The following RETREG3 variants were observed in gnomAD, a reference collection of about 807,000 sequenced individuals.
The protein encoded by RETREG3 is reticulophagy regulator 3.
RETREG3 carries 23 observed loss-of-function variants against 50.2 expected under a neutral mutation model. That is an observed-to-expected ratio of 0.46 (90% confidence interval 0.33 to 0.65). The LOEUF (loss-of-function observed/expected upper bound fraction) is 0.65. RETREG3 is among the 30% of genes least tolerant of loss of function. The pLI is 0.02. For missense variants in RETREG3, 546 were observed against 598.0 expected (o/e 0.91, Z 0.91); for synonymous variants, 240 against 234.4 (o/e 1.02, Z -0.22).
chr17:42,591,586 C>T (rs1016096458), intron 2 of RETREG3, among the ~76,000 whole-genome samples: 8 of 152,198 alleles, frequency 5.3e-5, no homozygotes, highest in South Asian at 2.1e-4. Context: ...GTGATCCACC[C>T]GCCTCGGACT....
At chr17:42,584,929 G>C (rs2093118117) in intron 6 of RETREG3, among the ~76,000 whole-genome samples, 196 bp downstream of exon 6, 1 of 151,868 alleles carries the variant, frequency 6.6e-6, no homozygotes, top group Non-Finnish European at 1.5e-5. Context: ...CGGGAGCCTA[G>C]GATTACAAAT....
intron 6 of RETREG3, 73 bp downstream of exon 6, chr17:42,585,052 T>G: frequency 3.9e-6 from 6 of 1,557,530 alleles, no homozygotes; most frequent in Admixed American, 1.7e-5. Flanking sequence ...ACCCACCCAG[T>G]ATGTCAGACC....
intron 1 of RETREG3, among the ~76,000 whole-genome samples, chr17:42,604,012 AT>A (rs10708104): frequency 0.58 from 87,020 of 150,828 alleles, 25,579 homozygotes; most frequent in African/African-American, 0.7. Context: ...AGATGTGTAG[AT>A]TTTTTTTAAC....
chr17:42,586,176 G>A, intron 4 of RETREG3, 39 bp from the exon 5 acceptor site: 3 of 1,599,366 alleles, frequency 1.9e-6, no homozygotes, highest in Non-Finnish European at 1.7e-6. Context: ...TCTGTCACAT[G>A]GCAGGGGACT....
rs1203052091 is a variant in RETREG3, at chr17:42,581,708, A to AT, written c.*104dup. On this transcript the variant is annotated 3_prime_UTR_variant, in exon 9 of 9. Transcript: ENST00000309428. ...CAGCCAGGCCACCCAGCATACAAAT[A>AT]TAATTCAGGGGAGGGGAGCTGAGTT... The AT allele has an allele frequency of 1.8e-5, 19 of 1,072,840 alleles. No individual in the cohort carries two copies. Among genetic ancestry groups the AT allele is most frequent in the Non-Finnish European group, 2.3e-5 (18 of 766,310 alleles). 66.5% of individuals were successfully genotyped at this position (1,072,840 alleles called of 1,614,324 possible).
chr17:42,593,721 G>T (rs971463404), intron 1 of RETREG3, among the ~76,000 whole-genome samples: 6 of 151,658 alleles, frequency 4.0e-5, no homozygotes, highest in Non-Finnish European at 8.8e-5. Context: ...TGATACTAAG[G>T]AATTTTTTTC....
At chr17:42,590,106 AG>A (rs2093129544) in intron 2 of RETREG3, among the ~76,000 whole-genome samples, 1 of 152,224 alleles carries the variant, frequency 6.6e-6, no homozygotes, top group South Asian at 2.1e-4. Flanking sequence ...CAGGAGACTG[AG>A]GCAGGAGAAT....
Position 42,581,521 on chromosome 17 carries a change from G to A in RETREG3, c.*292C>T. 1 of 338,082 alleles carries A rather than the reference G, an allele frequency of 3.0e-6. No individual in the cohort carries two copies. Among genetic ancestry groups the A allele is most frequent in the Non-Finnish European group, 5.4e-6 (1 of 184,994 alleles). The allele number at this position is 338,082 out of a possible 1,614,324, so 20.9% of individuals were successfully genotyped here. ...GCAAACAGCAGCACCTCCTCAAAGG[G>A]GAACCAATATCCCTGACTATTTTGT... On this transcript the variant is annotated 3_prime_UTR_variant, in exon 9 of 9. Coordinates refer to ENST00000309428, the MANE Select transcript of RETREG3 (RefSeq NM_178126.4).
intron 6 of RETREG3, among the ~76,000 whole-genome samples, chr17:42,584,815 CAAAAAA>C (rs71157643): frequency 3.6e-5 from 3 of 82,630 alleles, no homozygotes; most frequent in Admixed American, 2.8e-4. Flanking sequence ...GACCCTGTCT[CAAAAAA>C]AAAAAAAAAA....
chr17:42,608,569 G>A (rs2093172712), intron 1 of RETREG3: 1 of 152,340 alleles, frequency 6.6e-6, no homozygotes, highest in African/African-American at 2.4e-5. Context: ...TCACACTGAC[G>A]CTTAGACTTC....
At chr17:42,590,389 G>A (rs1312344220) in intron 2 of RETREG3, among the ~76,000 whole-genome samples, 1 of 151,532 alleles carries the variant, frequency 6.6e-6, no homozygotes, top group African/African-American at 2.4e-5. Flanking sequence ...AATAAGAATA[G>A]GGCTGGGCGC....
intron 1 of RETREG3, among the ~76,000 whole-genome samples, chr17:42,600,302 G>A (rs577431919): frequency 2.0e-5 from 3 of 152,112 alleles, no homozygotes; most frequent in South Asian, 4.2e-4. Context: ...AGGATTGCTA[G>A]AGCCAGAAGG....
intron 1 of RETREG3, among the ~76,000 whole-genome samples, chr17:42,606,875 T>A (rs1469247572): frequency 1.3e-5 from 2 of 151,572 alleles, no homozygotes; most frequent in Non-Finnish European, 2.9e-5. Context: ...CGCATGCCTG[T>A]AATCCCAGCT....
intron 3 of RETREG3, 22 bp downstream of exon 3, chr17:42,587,812 G>A: frequency 6.2e-7 from 1 of 1,613,890 alleles, no homozygotes. Context: ...CAACAAAAAG[G>A]GATTTAATTA....
chr17:42,580,098 T>G lies in RETREG3; in HGVS notation c.*1715A>C, dbSNP rs2093104165. Reference sequence around the variant, plus strand: ...GCAGAGGCTATAGACTGGCACAGGTTTAGAATCAAGTACCATGTTTAGGTT... The same window carrying G: ...GCAGAGGCTATAGACTGGCACAGGTGTAGAATCAAGTACCATGTTTAGGTT... On this transcript the variant is annotated 3_prime_UTR_variant, in exon 9 of 9. Transcript: ENST00000309428. 6.6e-6 allele frequency: 1 copy of G among 152,544 alleles called. No homozygotes were observed. The highest frequency in any genetic ancestry group is 2.4e-5 in the African/African-American group (1 of 41,416). The allele number at this position is 152,544 out of a possible 1,614,324, so 9.4% of individuals were successfully genotyped here.
At chr17:42,606,517 C>T (rs148888957) in intron 1 of RETREG3, among the ~76,000 whole-genome samples, 7 of 151,810 alleles carry the variant, frequency 4.6e-5, no homozygotes, top group South Asian at 2.1e-4. Context: ...AGGAGAATGG[C>T]GTGAACCCGG....
In RETREG3 at chr17:42,582,124, C is replaced by A. The variant is rs1381891859; in HGVS notation, c.1090G>T (p.Ala364Ser). The A allele has an allele frequency of 6.2e-7, 1 of 1,614,012 alleles. No individual in the cohort carries two copies. The highest frequency in any genetic ancestry group is 1.3e-5 in the African/African-American group (1 of 74,918). ...GCAGGTGGGGCCTGGGGCTCCTCAG[C>A]CCCTGGCGGAGAACGGTACATCAAG... Reference protein sequence around the residue: ...PSLMYRSPPGAEEPQAPPASR... With the variant: ...PSLMYRSPPGSEEPQAPPASR... Residue 364 changes from alanine to serine, a missense_variant, in exon 9 of 9, where the codon GCT (alanine) becomes TCT (serine). By Grantham distance (99) the Ala-to-Ser change is moderately conservative (BLOSUM62 1). Transcript: ENST00000309428.
At chr17:42,587,930 G>A in intron 2 of RETREG3, 66 bp from the exon 3 acceptor site, 1 of 1,576,834 alleles carries the variant, frequency 6.3e-7, no homozygotes, top group Non-Finnish European at 8.7e-7. Flanking sequence ...ATGTTAGGCT[G>A]TTGGTCTGAC....
intron 1 of RETREG3, among the ~76,000 whole-genome samples, chr17:42,593,832 A>C (rs1400480297): frequency 6.6e-6 from 1 of 152,158 alleles, no homozygotes; most frequent in Non-Finnish European, 1.5e-5. Flanking sequence ...AGATAGCATA[A>C]ATGCTACACT....
Sources: allele counts gnomAD v4.1 joint callset (sites outside exome capture counted in the v4.1 genomes callset), GRCh38; gene constraint gnomAD v4.1.1; transcripts MANE v1.5; gene names NCBI Gene and HGNC (gene_info 2026-07-23, HGNC 2026-07-21).